DCDC2: variants seen among roughly 807,000 people sequenced by gnomAD.
DCDC2 encodes doublecortin domain containing 2.
Under a neutral mutation model 50.2 loss-of-function variants are expected in DCDC2, and 40 were observed. That is an observed-to-expected ratio of 0.80 (90% CI 0.62 to 1.04). DCDC2 has a LOEUF of 1.04. DCDC2 is among the 50% of genes least tolerant of loss of function. The pLI is 0.00. For synonymous variants in DCDC2, 234 were observed against 210.6 expected (o/e 1.11, Z -0.96); for missense variants, 570 against 581.9 (o/e 0.98, Z 0.21).
chr6:24,213,671 GA>G (rs1761923418), intron 7 of DCDC2, among the ~76,000 whole-genome samples: 1 of 152,102 alleles, frequency 6.6e-6, no homozygotes, highest in African/African-American at 2.4e-5. Context: ...GCATCTTGTT[GA>G]AAATTAAAGA....
intron 2 of DCDC2, among the ~76,000 whole-genome samples, chr6:24,323,182 C>T (rs373264892): frequency 2.0e-5 from 3 of 152,316 alleles, no homozygotes; most frequent in African/African-American, 7.2e-5. Context: ...TGCACTCCAG[C>T]CTCCAGAGCA....
At chr6:24,231,545 C>T (rs536072097) in intron 7 of DCDC2, among the ~76,000 whole-genome samples, 5 of 152,200 alleles carry the variant, frequency 3.3e-5, no homozygotes, top group African/African-American at 4.8e-5. Flanking sequence ...TGTGTTGGGA[C>T]AAAGAACAAT....
intron 7 of DCDC2, among the ~76,000 whole-genome samples, chr6:24,261,382 G>A (rs1465136144): frequency 6.6e-6 from 1 of 151,938 alleles, no homozygotes; most frequent in African/African-American, 2.4e-5. Flanking sequence ...ATGGTTTGAG[G>A]TCTTTCTACC....
rs1312529234 is a variant in DCDC2, at chr6:24,174,353, T to C, written c.*377A>G. The C allele has an allele frequency of 1.3e-5, 2 of 156,436 alleles. No individual in the cohort carries two copies. Among genetic ancestry groups the C allele is most frequent in the African/African-American group, 4.8e-5 (2 of 41,584 alleles). The allele number at this position is 156,436 out of a possible 1,614,324, so 9.7% of individuals were successfully genotyped here. ...ACATGCTTTCCTATTACCAGTTCTT[T>C]AAAATTCTACGCCTTCCTAGAGAAA... On this transcript the variant is annotated 3_prime_UTR_variant, in exon 10 of 10. Coordinates refer to ENST00000378454, the MANE Select transcript of DCDC2 (RefSeq NM_016356.5).
intron 6 of DCDC2, among the ~76,000 whole-genome samples, chr6:24,281,386 G>T (rs1230756440): frequency 1.4e-5 from 2 of 146,826 alleles, no homozygotes; most frequent in Non-Finnish European, 3.0e-5. Context: ...TGTTCCCCAG[G>T]CTGGCCTCAA....
At chr6:24,237,685 G>C (rs868292360) in intron 7 of DCDC2, among the ~76,000 whole-genome samples, 72 of 152,146 alleles carry the variant, frequency 4.7e-4, no homozygotes, top group African/African-American at 1.6e-3. Context: ...TCTATCAATG[G>C]TGGATTGGGT....
chr6:24,375,503 T>C, the DCDC2 span, among the ~76,000 whole-genome samples: 1 of 152,114 alleles, frequency 6.6e-6, no homozygotes, highest in East Asian at 1.9e-4. Flanking sequence ...ATATATATAG[T>C]CATAAATATT....
chr6:24,286,155 A>C (rs903013460), intron 6 of DCDC2, among the ~76,000 whole-genome samples: 5 of 152,084 alleles, frequency 3.3e-5, no homozygotes, highest in African/African-American at 9.7e-5. Flanking sequence ...TTCTCACCGC[A>C]CCATCTTCCT....
the DCDC2 span, among the ~76,000 whole-genome samples, chr6:24,375,306 C>G: frequency 1.3e-5 from 2 of 152,030 alleles, no homozygotes; most frequent in Admixed American, 6.6e-5. Context: ...AGAGGGATCT[C>G]TTGCTGAGAG....
chr6:24,322,058 C>T (rs903430691), intron 2 of DCDC2, among the ~76,000 whole-genome samples: 3 of 152,260 alleles, frequency 2.0e-5, no homozygotes, highest in African/African-American at 7.2e-5. Context: ...TCTGATTTAA[C>T]GCTTGTGTAA....
chr6:24,357,662 G>A lies in DCDC2; in HGVS notation c.89C>T (p.Ala30Val), dbSNP rs1054181783. The A allele has an allele frequency of 4.3e-6, 7 of 1,613,304 alleles. No individual in the cohort carries two copies. The highest frequency in any genetic ancestry group is 3.3e-5 in the Admixed American group (2 of 60,012). ...LVYRNGDPFY[A>V]GRRVVIHEKK... Reference sequence around the variant, plus strand: ...CTCATGGATGACGACGCGGCGCCCCGCGTAGAAGGGGTCCCCGTTGCGGTA... The same window carrying A: ...CTCATGGATGACGACGCGGCGCCCCACGTAGAAGGGGTCCCCGTTGCGGTA... Residue 30 changes from alanine to valine, a missense_variant, in exon 1 of 10, where the codon GCG becomes GTG. By Grantham distance (64) the Ala-to-Val change is moderately conservative (BLOSUM62 0). Transcript: ENST00000378454.
chr6:24,236,697 A>G (rs1331252102), intron 7 of DCDC2, among the ~76,000 whole-genome samples: 1 of 152,134 alleles, frequency 6.6e-6, no homozygotes. Context: ...AAGAAAAAAA[A>G]ACAAACAACC....
rs140626877 is a variant in DCDC2 at position 24,174,756 on chromosome 6, T to G, written c.1405A>C (p.Asn469His). Residue 469 changes from asparagine to histidine, a missense_variant, in exon 10 of 10, where the codon AAC becomes CAC. Physicochemically the swap from Asn to His is moderately conservative, Grantham distance 68. Transcript: ENST00000378454. ...TAAGCCACGGCAGCATAGTCCTTGT[T>G]TTGTTGGTTGTTTTCATTTTCTTCT... ...SPEENENNQQ[N>H]KDYAAVA is the part of the protein sequence containing the mutation. 9 of 1,613,696 alleles carry G rather than the reference T, an allele frequency of 5.6e-6. No individual in the cohort carries two copies. The highest frequency in any genetic ancestry group is 7.6e-6 in the Non-Finnish European group (9 of 1,179,748).
Position 24,188,262 on chromosome 6 carries a change from G to A in DCDC2, c.1024-9630C>T, listed in dbSNP as rs573004374. On this transcript the variant is annotated intron_variant, in intron 8 of 9. Coordinates refer to ENST00000378454, the MANE Select transcript of DCDC2 (RefSeq NM_016356.5). ...ATCACATATAATGCAATATGCTCAT[G>A]AATATGCCACTTAAAAAATCATTTT... 1.7e-3 allele frequency among the ~76,000 whole-genome samples: 259 copies of A among 152,316 alleles called. 2 individuals are homozygous for A. The highest frequency in any genetic ancestry group is 6.1e-3 in the African/African-American group (253 of 41,570).
chr6:24,194,089 A>G (rs78498755), intron 8 of DCDC2, among the ~76,000 whole-genome samples: 3,998 of 152,156 alleles, frequency 0.026, 87 homozygotes, highest in African/African-American at 0.058. Flanking sequence ...TTAAAATGGG[A>G]GAGGGGATTA....
In DCDC2 at chr6:24,184,750, G is replaced by A. The variant is rs181529662; in HGVS notation, c.1024-6118C>T. ...ATACTGCAGTACTAATGGCCAATAG[G>A]AACAGATTTCTTTTTAAATTACCTC... is the stretch of plus-strand genomic sequence containing the variant. On this transcript the variant is annotated intron_variant, in intron 8 of 9. Transcript: ENST00000378454. 2.0e-3 allele frequency among the ~76,000 whole-genome samples: 302 copies of A among 152,162 alleles called. 2 individuals are homozygous for A. Among genetic ancestry groups the A allele is most frequent in the African/African-American group, 6.5e-3 (270 of 41,526 alleles).
At chr6:24,358,129 C>G (rs1158571592), upstream of DCDC2, 2 of 325,750 alleles carry the variant, frequency 6.1e-6, no homozygotes, top group Non-Finnish European at 1.2e-5. Context: ...GAGGAGGACG[C>G]ACACACACAC....
chr6:24,193,491 G>A (rs1010450983), intron 8 of DCDC2, among the ~76,000 whole-genome samples: 2 of 152,158 alleles, frequency 1.3e-5, no homozygotes, highest in African/African-American at 2.4e-5. Context: ...AATGTATCAA[G>A]AGGACAGTAA....
intron 8 of DCDC2, among the ~76,000 whole-genome samples, chr6:24,186,603 T>C (rs1332924439): frequency 1.3e-5 from 2 of 152,156 alleles, no homozygotes; most frequent in African/African-American, 2.4e-5. Context: ...CTATAACCAA[T>C]GGATAATGAG....
Sources: allele counts gnomAD v4.1 joint callset (sites outside exome capture counted in the v4.1 genomes callset), GRCh38; gene constraint gnomAD v4.1.1; transcripts MANE v1.5; gene names NCBI Gene and HGNC (gene_info 2026-07-23, HGNC 2026-07-21).